Variants in MEI4 observed in about 807,000 individuals in gnomAD.
MEI4 encodes the protein meiotic double-stranded break formation protein 4.
In MEI4, 27 loss-of-function variants were observed where a neutral mutation model predicts 31.4. That is an observed-to-expected ratio of 0.86 (90% CI 0.63 to 1.19). The LOEUF is 1.19. MEI4 is among the 50% of genes most tolerant of loss of function. The pLI, the probability that MEI4 is intolerant of heterozygous loss-of-function variation, is 0.00. For missense variants in MEI4, 329 were observed against 398.9 expected (o/e 0.82, Z 1.49); for synonymous variants, 122 against 145.4 (o/e 0.84, Z 1.16).
intron 4 of MEI4, among the ~76,000 whole-genome samples, chr6:77,863,289 C>G (rs1770918912): frequency 6.6e-6 from 1 of 151,970 alleles, no homozygotes; most frequent in Non-Finnish European, 1.5e-5. Context: ...CAACTCTGAG[C>G]TAAAGGAGGA....
At chr6:77,782,755 C>T (rs1768626471) in intron 3 of MEI4, among the ~76,000 whole-genome samples, 1 of 152,094 alleles carries the variant, frequency 6.6e-6, no homozygotes, top group Non-Finnish European at 1.5e-5. Flanking sequence ...ATAGCCATTG[C>T]TGATACCTGT....
At chr6:77,653,395 T>C (rs577524979) in intron 1 of MEI4, among the ~76,000 whole-genome samples, 5 of 152,326 alleles carry the variant, frequency 3.3e-5, no homozygotes, top group African/African-American at 9.6e-5. Context: ...TTAGGAATTT[T>C]TGGTAACAGC....
chr6:77,902,668 C>G (rs1306274036), intron 4 of MEI4, among the ~76,000 whole-genome samples: 2 of 152,014 alleles, frequency 1.3e-5, no homozygotes, highest in African/African-American at 4.8e-5. Flanking sequence ...CCAAAGTCAC[C>G]CCTCTGCTCA....
chr6:77,820,238 G>A lies in MEI4; in HGVS notation c.769-8693G>A, dbSNP rs372744140. 6.0e-5 allele frequency among the ~76,000 whole-genome samples: 9 copies of A among 150,702 alleles called. No individual in the cohort carries two copies. Among genetic ancestry groups the A allele is most frequent in the Non-Finnish European group, 8.9e-5 (6 of 67,640 alleles). On this transcript the variant is annotated intron_variant, in intron 3 of 4. Transcript: ENST00000684080. The surrounding 1 kb of genome is among the most constrained non-coding windows in gnomAD (Gnocchi z 4.5). Reference sequence around the variant, plus strand: ...AAACACAAAGAGACTCCTGGGACTGGTTTTTTTTTGTTTTTGTTTTTGTTT... The same window carrying A: ...AAACACAAAGAGACTCCTGGGACTGATTTTTTTTTGTTTTTGTTTTTGTTT...
chr6:77,670,689 C>T (rs1768722358), intron 1 of MEI4, among the ~76,000 whole-genome samples: 3 of 152,150 alleles, frequency 2.0e-5, no homozygotes, highest in African/African-American at 4.8e-5. Context: ...TTTCCCTTTG[C>T]ATATTTGCTC....
intron 2 of MEI4, among the ~76,000 whole-genome samples, chr6:77,703,090 A>G (rs1766260178): frequency 1.3e-5 from 2 of 152,222 alleles, no homozygotes; most frequent in East Asian, 1.9e-4. Context: ...CTATGCTTTC[A>G]GAGACTATTT....
intron 4 of MEI4, among the ~76,000 whole-genome samples, chr6:77,845,365 T>A (rs1770458849): frequency 6.6e-6 from 1 of 152,198 alleles, no homozygotes. Flanking sequence ...TGTGTCTACA[T>A]GTGTCTGTGA....
At chr6:77,699,862 TG>T (rs1182644461) in intron 2 of MEI4, among the ~76,000 whole-genome samples, 1 of 151,906 alleles carries the variant, frequency 6.6e-6, no homozygotes, top group Non-Finnish European at 1.5e-5. Context: ...CCTGTTTACC[TG>T]GGTGTCAGCA....
At chr6:77,737,176 T>C (rs1378300391) in intron 2 of MEI4, among the ~76,000 whole-genome samples, 1 of 152,198 alleles carries the variant, frequency 6.6e-6, no homozygotes, top group African/African-American at 2.4e-5. Context: ...ATTTATTGAG[T>C]GTATGCTGTG....
At chr6:77,892,665 A>G (rs2127732592) in intron 4 of MEI4, among the ~76,000 whole-genome samples, 3 of 152,306 alleles carry the variant, frequency 2.0e-5, no homozygotes, top group Admixed American at 2.0e-4. Context: ...CCTAGGCTAT[A>G]GGACACTGCA....
At position 77,926,232 on chromosome 6, in the gene MEI4, T is replaced by TA. The variant is rs1186860652; in HGVS notation, c.*2887dup. On this transcript the variant is annotated 3_prime_UTR_variant, in exon 5 of 5. Coordinates refer to ENST00000684080, the MANE Select transcript of MEI4 (RefSeq NM_001322247.2). ...ACAGTGGAAATTACTAGCTTATGAT[T>TA]AGCTTATTTTGGATTTTTTAATTGC... The TA allele has an allele frequency of 6.6e-6, 1 of 152,082 alleles. No homozygotes were observed. The highest frequency in any genetic ancestry group is 2.4e-5 in the African/African-American group (1 of 41,544). 9.4% of individuals were successfully genotyped at this position (152,082 alleles called of 1,614,324 possible).
At chr6:77,863,567 A>C (rs866148006) in intron 4 of MEI4, among the ~76,000 whole-genome samples, 2 of 152,354 alleles carry the variant, frequency 1.3e-5, no homozygotes, top group African/African-American at 2.4e-5. Flanking sequence ...AGCCTCCAAG[A>C]AATATGGGAC....
intron 2 of MEI4, among the ~76,000 whole-genome samples, chr6:77,699,888 A>C (rs1328575624): frequency 2.0e-5 from 3 of 151,994 alleles, no homozygotes; most frequent in African/African-American, 4.8e-5. Context: ...TGGCTGCAGA[A>C]CAGCGGTGGC....
chr6:77,744,325 G>A (rs1767516596), intron 2 of MEI4, among the ~76,000 whole-genome samples: 1 of 152,128 alleles, frequency 6.6e-6, no homozygotes, highest in African/African-American at 2.4e-5. Flanking sequence ...GAAGAATGCA[G>A]AAGCCTCAGG....
intron 2 of MEI4, among the ~76,000 whole-genome samples, chr6:77,698,167 T>C (rs1257453843): frequency 6.6e-6 from 1 of 152,192 alleles, no homozygotes; most frequent in Non-Finnish European, 1.5e-5. Flanking sequence ...TGTCTCTGCA[T>C]GTGAGATGAG....
At chr6:77,845,769 C>A (rs1770467124) in intron 4 of MEI4, among the ~76,000 whole-genome samples, 1 of 151,596 alleles carries the variant, frequency 6.6e-6, no homozygotes, top group Admixed American at 6.6e-5. Flanking sequence ...GATGTTCTTC[C>A]TGTTTATATA....
At chr6:77,757,334 A>G (rs1347491026) in intron 2 of MEI4, among the ~76,000 whole-genome samples, 1 of 152,230 alleles carries the variant, frequency 6.6e-6, no homozygotes, top group East Asian at 1.9e-4. Flanking sequence ...ATTCCTTTAG[A>G]GCACTGAAAG....
intron 2 of MEI4, among the ~76,000 whole-genome samples, chr6:77,752,022 A>G (rs1767788349): frequency 6.6e-6 from 1 of 152,172 alleles, no homozygotes; most frequent in South Asian, 2.1e-4. Flanking sequence ...CAAAAACCAC[A>G]TGATTATCTC....
At chr6:77,762,602 T>G (rs1335217636) in intron 3 of MEI4, among the ~76,000 whole-genome samples, 2 of 152,218 alleles carry the variant, frequency 1.3e-5, no homozygotes, top group African/African-American at 4.8e-5. Flanking sequence ...TTTGCCTCCG[T>G]GCTATGATCT....
Sources: allele counts gnomAD v4.1 joint callset (sites outside exome capture counted in the v4.1 genomes callset), GRCh38; gene constraint gnomAD v4.1.1; non-coding constraint Gnocchi (gnomAD v3.1); transcripts MANE v1.5; gene names NCBI Gene and HGNC (gene_info 2026-07-23, HGNC 2026-07-21).